Variants in ALPK1 observed in about 807,000 individuals in gnomAD.
ALPK1 encodes alpha kinase 1.
In ALPK1, 110 loss-of-function variants were observed where a neutral mutation model predicts 120.6. That is an observed-to-expected ratio of 0.91 (90% confidence interval 0.78 to 1.07). The LOEUF (loss-of-function observed/expected upper bound fraction) is 1.07. ALPK1 is among the 50% of genes least tolerant of loss of function. ALPK1 has a pLI of 0.00. For missense variants in ALPK1, 1,498 were observed against 1,483.9 expected (o/e 1.01, Z -0.16); for synonymous variants, 582 against 560.3 (o/e 1.04, Z -0.55).
rs1006914217 is a variant in ALPK1, at chr4:112,357,868, G to A, written c.-100-19810G>A. ...CCACTACTTGGCTAGGAAGATGGAG[G>A]CGCTGAGGCCGCTGTTTGTGGAGCC... On this transcript the variant is annotated intron_variant, in intron 2 of 15. Coordinates refer to ENST00000650871, the MANE Select transcript of ALPK1 (RefSeq NM_025144.4). 6.9e-6 allele frequency: 8 copies of A among 1,159,686 alleles called. No homozygotes were observed. In the African/African-American group the frequency reaches 1.1e-4, roughly 15 times the overall value. 71.8% of individuals were successfully genotyped at this position (1,159,686 alleles called of 1,614,324 possible).
At chr4:112,356,804 T>C in intron 2 of ALPK1, 5 of 729,570 alleles carry the variant, frequency 6.9e-6, no homozygotes, top group Non-Finnish European at 1.3e-5. Flanking sequence ...CTTCATCCCA[T>C]ACAGTTAGTT....
intron 4 of ALPK1, among the ~76,000 whole-genome samples, chr4:112,391,072 T>C (rs577565168): frequency 2.6e-5 from 4 of 152,354 alleles, no homozygotes; most frequent in African/African-American, 9.6e-5. Flanking sequence ...TGTTCCCACA[T>C]ATTCACTTTT....
At chr4:112,419,463 A>G (rs530360573) in intron 5 of ALPK1, among the ~76,000 whole-genome samples, 1 of 143,298 alleles carries the variant, frequency 7.0e-6, no homozygotes, top group South Asian at 2.3e-4. Context: ...GGTTTAAAAC[A>G]GAGAGGAAAT....
At chr4:112,359,529 C>A in intron 2 of ALPK1, 1 of 252,250 alleles carries the variant, frequency 4.0e-6, no homozygotes, top group Non-Finnish European at 7.9e-6. Flanking sequence ...GCCGCCAGGA[C>A]CCCAAGAGGA....
chr4:112,374,193 A>G (rs1167777618), intron 2 of ALPK1, among the ~76,000 whole-genome samples: 1 of 152,226 alleles, frequency 6.6e-6, no homozygotes, highest in Non-Finnish European at 1.5e-5. Context: ...AGTTTACATA[A>G]TATTCTACAT....
rs530303825 is a variant in ALPK1, at chr4:112,327,935, A to C, written c.-101+12083A>C. ...CAGTAGTTACGCAGTAATAGTCATCAGTTGTGGCATCAATCAAGAATTAGT... is the reference window on the plus strand; with the variant it reads ...CAGTAGTTACGCAGTAATAGTCATCCGTTGTGGCATCAATCAAGAATTAGT... On this transcript the variant is annotated intron_variant, in intron 2 of 15. Coordinates refer to ENST00000650871, the MANE Select transcript of ALPK1 (RefSeq NM_025144.4). Among the ~76,000 whole-genome samples, 15 of 152,372 alleles carry C rather than the reference A, an allele frequency of 9.8e-5. No individual in the cohort carries two copies. The South Asian group carries it at 3.1e-3, about 32-fold the overall frequency.
At chr4:112,309,862 T>C (rs1190240459) in intron 1 of ALPK1, among the ~76,000 whole-genome samples, 1 of 152,108 alleles carries the variant, frequency 6.6e-6, no homozygotes, top group Non-Finnish European at 1.5e-5. Context: ...TGGGAAGACT[T>C]GACTTACATG....
At chr4:112,333,893 CT>C (rs1729498751) in intron 2 of ALPK1, among the ~76,000 whole-genome samples, 1 of 151,514 alleles carries the variant, frequency 6.6e-6, no homozygotes, top group Non-Finnish European at 1.5e-5. Context: ...TTTTCTTTTC[CT>C]TTTGCTTTTG....
At chr4:112,341,876 C>T (rs538957917) in intron 2 of ALPK1, among the ~76,000 whole-genome samples, 3 of 152,230 alleles carry the variant, frequency 2.0e-5, no homozygotes, top group Admixed American at 6.5e-5. Context: ...ATAGCGTGTA[C>T]AAAAATTGTG....
chr4:112,438,781 A>C (rs761702277), intron 13 of ALPK1, 135 bp downstream of exon 13: 4 of 944,836 alleles, frequency 4.2e-6, no homozygotes, highest in Non-Finnish European at 6.3e-6. Flanking sequence ...TGTACTTTCC[A>C]AGAGAGAAAG....
chr4:112,440,782 G>A (rs11098157), intron 14 of ALPK1, 135 bp from the exon 15 acceptor site: 246,588 of 1,376,548 alleles, frequency 0.18, 25,555 homozygotes, highest in African/African-American at 0.43. Flanking sequence ...ATAAACCACA[G>A]GATGGCCAAG....
At chr4:112,403,286 C>CT (rs753523551) in intron 4 of ALPK1, among the ~76,000 whole-genome samples, 2 of 152,034 alleles carry the variant, frequency 1.3e-5, no homozygotes, top group Non-Finnish European at 2.9e-5. Context: ...TTACTATCCC[C>CT]TTACTTGGCA....
chr4:112,304,261 A>G (rs1017581400), intron 1 of ALPK1, among the ~76,000 whole-genome samples: 3 of 152,112 alleles, frequency 2.0e-5, no homozygotes, highest in African/African-American at 7.3e-5. Context: ...TTGGGTATAT[A>G]CCCAGTAATG....
intron 1 of ALPK1, among the ~76,000 whole-genome samples, chr4:112,304,165 T>TTCACACGTAGC (rs1560628289): frequency 1.2e-4 from 18 of 151,466 alleles, no homozygotes; most frequent in African/African-American, 3.7e-4. Flanking sequence ...GACACTTGGA[T>TTCACACGTAGC]TGGTTCCAAG....
At chr4:112,403,666 G>T (rs564676794) in intron 4 of ALPK1, among the ~76,000 whole-genome samples, 17 of 152,310 alleles carry the variant, frequency 1.1e-4, no homozygotes, top group African/African-American at 3.8e-4. Flanking sequence ...CTTTAGAAAT[G>T]AATTCAGTGA....
chr4:112,391,206 G>A (rs1732400868), intron 4 of ALPK1, among the ~76,000 whole-genome samples: 1 of 152,128 alleles, frequency 6.6e-6, no homozygotes, highest in Non-Finnish European at 1.5e-5. Context: ...CCAGTCCCTA[G>A]CAGAAGATTT....
intron 2 of ALPK1, among the ~76,000 whole-genome samples, chr4:112,364,961 G>C (rs1303857629): frequency 2.0e-5 from 3 of 152,122 alleles, no homozygotes; most frequent in Non-Finnish European, 2.9e-5. Context: ...AAAATCACAT[G>C]ATCATCTCAA....
At chr4:112,423,493 AG>A (rs1734091631) in intron 5 of ALPK1, among the ~76,000 whole-genome samples, 1 of 152,232 alleles carries the variant, frequency 6.6e-6, no homozygotes, top group South Asian at 2.1e-4. Context: ...CCTATGTGGT[AG>A]TAACAAAAAT....
intron 1 of ALPK1, among the ~76,000 whole-genome samples, chr4:112,313,105 A>G (rs1728480821): frequency 6.6e-6 from 1 of 152,244 alleles, no homozygotes; most frequent in African/African-American, 2.4e-5. Context: ...GGTTGAAAAT[A>G]TGCATCTGAA....
Sources: allele counts gnomAD v4.1 joint callset (sites outside exome capture counted in the v4.1 genomes callset), GRCh38; gene constraint gnomAD v4.1.1; transcripts MANE v1.5; gene names NCBI Gene and HGNC (gene_info 2026-07-23, HGNC 2026-07-21).